Variants in WDFY3 observed in about 807,000 individuals in gnomAD.
The protein encoded by WDFY3 is WD repeat and FYVE domain-containing protein 3.
A neutral mutation model predicts 409.6 loss-of-function variants in WDFY3; 66 were observed. The observed-to-expected ratio is 0.16, with a 90% CI of 0.13 to 0.20. WDFY3 has a LOEUF of 0.20. WDFY3 is among the 10% of genes least tolerant of loss of function. The pLI is 1.00. For missense variants in WDFY3, 3,031 were observed against 4,298.1 expected (o/e 0.71, Z 8.24); for synonymous variants, 1,521 against 1,537.1 (o/e 0.99, Z 0.25).
rs562457215 is a variant in WDFY3 at position 84,727,705 on chromosome 4, T to C, written c.7222-794A>G. On this transcript the variant is annotated intron_variant, in intron 44 of 67. Transcript: ENST00000295888. ...CCGAATTTCCTTCCTGTTCATGGTT[T>C]ATATCTGGTGATGACTTCTGGTACC... is the stretch of plus-strand genomic sequence containing the variant. Among the ~76,000 whole-genome samples the C allele has an allele frequency of 3.3e-5, 5 of 152,300 alleles. No individual in the cohort carries two copies. In the East Asian group the frequency reaches 9.7e-4, roughly 29 times the overall value.
intron 7 of WDFY3, 49 bp downstream of exon 7, chr4:84,836,880 C>A: frequency 1.5e-6 from 2 of 1,354,986 alleles, no homozygotes; most frequent in Non-Finnish European, 1.9e-6. Context: ...GGAAGTATAC[C>A]CACTTCCCTT....
chr4:84,689,355 CTA>C (rs1395586477), intron 61 of WDFY3, among the ~76,000 whole-genome samples: 1 of 152,156 alleles, frequency 6.6e-6, no homozygotes, highest in Non-Finnish European at 1.5e-5. Context: ...CCCCAGGAAA[CTA>C]TTTTAAGCAG....
chr4:84,726,227 T>C (rs1197570288), intron 45 of WDFY3, among the ~76,000 whole-genome samples: 1 of 152,190 alleles, frequency 6.6e-6, no homozygotes, highest in Non-Finnish European at 1.5e-5. Flanking sequence ...TGACTTCATG[T>C]ACAGATTTAA....
intron 1 of WDFY3, among the ~76,000 whole-genome samples, chr4:84,963,213 C>G (rs1237006913): frequency 6.6e-6 from 1 of 151,558 alleles, no homozygotes; most frequent in Admixed American, 6.6e-5. Context: ...CACTTGAGCT[C>G]AGGAGTTCAA....
At chr4:84,721,706 A>C in intron 46 of WDFY3, 134 bp from the exon 47 acceptor site, 1 of 995,852 alleles carries the variant, frequency 1.0e-6, no homozygotes, top group South Asian at 1.9e-5. Context: ...TAGCACATTC[A>C]GTGGTTAAGA....
At chr4:84,737,477 A>G (rs916482320) in intron 40 of WDFY3, 111 bp from the exon 41 acceptor site, 3 of 1,248,712 alleles carry the variant, frequency 2.4e-6, no homozygotes, top group Non-Finnish European at 3.1e-6. Flanking sequence ...CGACTACAGT[A>G]TTTAATGTAA....
intron 7 of WDFY3, among the ~76,000 whole-genome samples, chr4:84,834,236 AT>A (rs1756221868): frequency 6.6e-6 from 1 of 152,210 alleles, no homozygotes; most frequent in Non-Finnish European, 1.5e-5. Flanking sequence ...GGATGCAAGG[AT>A]TTCTTGAATT....
intron 3 of WDFY3, among the ~76,000 whole-genome samples, chr4:84,876,476 A>C (rs1578935353): frequency 6.6e-6 from 1 of 152,208 alleles, no homozygotes; most frequent in African/African-American, 2.4e-5. Context: ...GAAATTAGGT[A>C]ATTTATTACA....
chr4:84,695,354 G>A (rs1729913106), intron 58 of WDFY3, among the ~76,000 whole-genome samples: 2 of 152,018 alleles, frequency 1.3e-5, no homozygotes, highest in South Asian at 2.1e-4. Context: ...CACTTATTAG[G>A]CCTATGTCAA....
At chr4:84,775,641 C>CA (rs887750233) in intron 27 of WDFY3, among the ~76,000 whole-genome samples, 2 of 151,504 alleles carry the variant, frequency 1.3e-5, no homozygotes, top group African/African-American at 4.8e-5. Context: ...CAGTATCAAG[C>CA]AATCTAAGAT....
chr4:84,959,361 A>T (rs1194702729), intron 1 of WDFY3, among the ~76,000 whole-genome samples: 1 of 152,226 alleles, frequency 6.6e-6, no homozygotes, highest in Non-Finnish European at 1.5e-5. Flanking sequence ...AACAAAAAAC[A>T]ATTCATTTTG....
At chr4:84,727,907 A>C (rs752788106) in intron 44 of WDFY3, among the ~76,000 whole-genome samples, 2 of 152,170 alleles carry the variant, frequency 1.3e-5, no homozygotes, top group Non-Finnish European at 2.9e-5. Context: ...TTTAACATCT[A>C]ATCAATGTTC....
intron 63 of WDFY3, among the ~76,000 whole-genome samples, chr4:84,683,597 A>G (rs1285934764): frequency 6.6e-6 from 1 of 152,078 alleles, no homozygotes; most frequent in Non-Finnish European, 1.5e-5. Context: ...CCTGCTCACT[A>G]TGTTTTCCCT....
At chr4:84,946,959 A>G (rs1349656755) in intron 1 of WDFY3, among the ~76,000 whole-genome samples, 1 of 151,572 alleles carries the variant, frequency 6.6e-6, no homozygotes, top group Non-Finnish European at 1.5e-5. Context: ...GGCACCTGCC[A>G]CCACGCCTGG....
intron 2 of WDFY3, among the ~76,000 whole-genome samples, chr4:84,925,471 A>G (rs1320008900): frequency 1.3e-5 from 2 of 152,208 alleles, no homozygotes; most frequent in African/African-American, 2.4e-5. Flanking sequence ...GTATTATTAA[A>G]AAAGAAAGGA....
Position 84,733,585 on chromosome 4 carries a change from C to G in WDFY3, c.7018G>C (p.Val2340Leu). The change falls in exon 44 of 68, where the codon GTG becomes CTG. Residue 2340 changes from valine to leucine, a missense_variant. By Grantham distance (32) the Val-to-Leu change is conservative. Around this residue, in one of 16 missense-constraint regions of WDFY3, gnomAD observed 98 missense variants for 194.9 expected, o/e 0.50. Transcript: ENST00000295888. ...QERQQNALKY[V>L]TEEWCQIECE... ...TCGATCTGACACCACTCTTCTGTCACGTACTTCAGGGCATTCTGCTGACGC... is the reference window on the plus strand; with the variant it reads ...TCGATCTGACACCACTCTTCTGTCAGGTACTTCAGGGCATTCTGCTGACGC... The G allele has an allele frequency of 1.2e-6, 2 of 1,613,680 alleles. No individual in the cohort carries two copies. The highest frequency in any genetic ancestry group is 1.7e-6 in the Non-Finnish European group (2 of 1,179,820).
rs553114938 is a variant in WDFY3 at position 84,872,545 on chromosome 4, A to C, written c.-31-11923T>G. Among the ~76,000 whole-genome samples the C allele has an allele frequency of 5.9e-5, 9 of 152,256 alleles. No homozygotes were observed. In the East Asian group the frequency reaches 1.7e-3, roughly 29 times the overall value. ...AAATGCTGTTAAAACCTGAGAAGGC[A>C]AGAAAAGAAGGGAGGAAGAACAAAG... On this transcript the variant is annotated intron_variant, in intron 3 of 67. Coordinates refer to ENST00000295888, the MANE Select transcript of WDFY3 (RefSeq NM_014991.6).
chr4:84,840,685 C>T (rs1757213158), intron 6 of WDFY3, among the ~76,000 whole-genome samples: 1 of 152,054 alleles, frequency 6.6e-6, no homozygotes, highest in African/African-American at 2.4e-5. Context: ...TCAAGCAATC[C>T]TCTTGCCTCA....
In WDFY3 at chr4:84,823,498, A is replaced by C. The variant is rs565522119; in HGVS notation, c.1124-1947T>G. Among the ~76,000 whole-genome samples the C allele has an allele frequency of 1.7e-3, 265 of 152,200 alleles. 3 individuals carry two copies. The highest frequency in any genetic ancestry group is 5.4e-3 in the African/African-American group (226 of 41,570). On this transcript the variant is annotated intron_variant, in intron 10 of 67. Coordinates refer to ENST00000295888, the MANE Select transcript of WDFY3 (RefSeq NM_014991.6). The stretch of plus-strand genomic sequence containing the variant: ...TTCTCAAAAGATGCGTTAAAAAAAA[A>C]CCAGCAAGTCAAAACTAAGAGAACA...
Sources: gnomAD v4.1 joint callset for allele counts (sites outside exome capture counted in the v4.1 genomes callset) on GRCh38, gnomAD v4.1.1 for gene constraint, gnomAD v4.1.1 regional missense constraint, MANE v1.5 for transcripts, NCBI Gene and HGNC (gene_info 2026-07-23, HGNC 2026-07-21) for gene names.